The following GPR149 variants were observed in gnomAD, a reference collection of about 807,000 sequenced individuals.
GPR149 encodes probable G protein-coupled receptor 149.
Under a neutral mutation model 50.2 loss-of-function variants are expected in GPR149, and 50 were observed. That is an observed-to-expected ratio of 1.00 (90% CI 0.79 to 1.26). The LOEUF is 1.26. Ranked by LOEUF, GPR149 falls within the 50% of genes most tolerant of loss-of-function variation. The pLI is 0.00. For missense variants in GPR149, 983 were observed against 895.4 expected (o/e 1.10, Z -1.25); for synonymous variants, 405 against 358.2 (o/e 1.13, Z -1.48).
At chr3:154,351,814 T>A (rs1714088081) in intron 3 of GPR149, among the ~76,000 whole-genome samples, 1 of 152,140 alleles carries the variant, frequency 6.6e-6, no homozygotes, top group South Asian at 2.1e-4. Flanking sequence ...GTGGAAGGAA[T>A]AATAGAAACC....
chr3:154,345,602 A>C (rs1713907422), intron 3 of GPR149, among the ~76,000 whole-genome samples: 1 of 152,202 alleles, frequency 6.6e-6, no homozygotes, highest in African/African-American at 2.4e-5. Context: ...ACAGCATGCC[A>C]TGTAAACACA....
intron 3 of GPR149, among the ~76,000 whole-genome samples, chr3:154,344,119 C>T (rs1303424536): frequency 6.6e-6 from 1 of 152,172 alleles, no homozygotes; most frequent in Non-Finnish European, 1.5e-5. Context: ...ATTTATAGCA[C>T]TCTCAAAGAG....
intron 3 of GPR149, among the ~76,000 whole-genome samples, chr3:154,394,072 T>G (rs1352792767): frequency 6.6e-6 from 1 of 152,044 alleles, no homozygotes; most frequent in Non-Finnish European, 1.5e-5. Flanking sequence ...GTTCTAAGAT[T>G]CATATGGAAT....
intron 3 of GPR149, among the ~76,000 whole-genome samples, chr3:154,377,348 AATTATT>A (rs59932456): frequency 0.016 from 2,261 of 139,218 alleles, 65 homozygotes; most frequent in African/African-American, 0.054. Context: ...TCTGCTCTGT[AATTATT>A]ATTATTATTA....
chr3:154,348,392 G>T (rs948283835), intron 3 of GPR149, among the ~76,000 whole-genome samples: 1 of 152,022 alleles, frequency 6.6e-6, no homozygotes, highest in South Asian at 2.1e-4. Flanking sequence ...ATATAAGCAG[G>T]TCGAAAGTAA....
At chr3:154,384,018 C>G (rs558919220) in intron 3 of GPR149, among the ~76,000 whole-genome samples, 5 of 151,952 alleles carry the variant, frequency 3.3e-5, no homozygotes, top group African/African-American at 1.2e-4. Flanking sequence ...TTAAGCTATT[C>G]GGAGGAAATA....
chr3:154,423,317 G>A (rs558750883), intron 2 of GPR149, among the ~76,000 whole-genome samples: 52 of 151,938 alleles, frequency 3.4e-4, no homozygotes, highest in African/African-American at 1.1e-3. Context: ...GGTGACAGAC[G>A]AAAGCTACTG....
chr3:154,356,436 C>G (rs1158173970), intron 3 of GPR149, among the ~76,000 whole-genome samples: 2 of 152,150 alleles, frequency 1.3e-5, no homozygotes, highest in African/African-American at 4.8e-5. Flanking sequence ...AAATCCCCAT[C>G]GTCTCAGCCC....
intron 3 of GPR149, among the ~76,000 whole-genome samples, chr3:154,359,135 T>A (rs1007339965): frequency 2.0e-5 from 3 of 152,116 alleles, no homozygotes; most frequent in Admixed American, 2.0e-4. Context: ...TTGTGCAAAA[T>A]AAGGGACATT....
intron 3 of GPR149, among the ~76,000 whole-genome samples, chr3:154,358,160 G>A (rs1325206806): frequency 1.3e-5 from 2 of 151,976 alleles, no homozygotes; most frequent in African/African-American, 2.4e-5. Context: ...GGTGTGGGGA[G>A]GGATAGCATT....
In GPR149 at chr3:154,429,034, G is replaced by C; in HGVS notation, c.582C>G (p.Leu194=). Residue 194 remains leucine (L), a synonymous_variant, in exon 1 of 4, where the codon CTC becomes CTG. Transcript: ENST00000389740. ...CGAAGGCCAAAGCGTACACGATAGA[G>C]AGGAATAGTACGTAGGAGCTGGAGC... ...VDCSSSYVLF[L]SIVYALAFGL... The C allele has an allele frequency of 6.2e-7, 1 of 1,614,046 alleles. No homozygotes were observed. Among genetic ancestry groups the C allele is most frequent in the Non-Finnish European group, 8.5e-7 (1 of 1,180,032 alleles).
intron 3 of GPR149, among the ~76,000 whole-genome samples, chr3:154,360,413 T>G (rs1714351252): frequency 1.3e-5 from 2 of 152,204 alleles, no homozygotes; most frequent in South Asian, 4.1e-4. Flanking sequence ...ATCTAATCAC[T>G]GCACATATAG....
intron 2 of GPR149, 105 bp downstream of exon 2, chr3:154,427,411 C>G: frequency 1.2e-6 from 1 of 846,004 alleles, no homozygotes; most frequent in Admixed American, 2.5e-5. Flanking sequence ...TGACATTTAT[C>G]CTTGGACTCT....
rs183181594 is a variant in GPR149 at position 154,335,572 on chromosome 3, C to T, written c.*2127G>A. 77 of 152,250 alleles carry T rather than the reference C, an allele frequency of 5.1e-4. 1 individual carries two copies. Among genetic ancestry groups the T allele is most frequent in the Admixed American group, 4.5e-3 (69 of 15,296 alleles). 9.4% of individuals were successfully genotyped at this position (152,250 alleles called of 1,614,324 possible). ...AGAATTTTTATGTGCATCCATTATA[C>T]AGTTAATTCAACAACCAAGGGCAAT... On this transcript the variant is annotated 3_prime_UTR_variant, in exon 4 of 4. Transcript: ENST00000389740.
chr3:154,354,003 C>T (rs1714153329), intron 3 of GPR149: 1 of 463,320 alleles, frequency 2.2e-6, no homozygotes, highest in Non-Finnish European at 4.1e-6. Context: ...AAGGATGATA[C>T]TTGCTTTGAT....
chr3:154,353,324 T>C, intron 3 of GPR149: 1 of 1,440,492 alleles, frequency 6.9e-7, no homozygotes, highest in South Asian at 1.1e-5. Context: ...TGTATTTATT[T>C]GCAACTTTGT....
In GPR149 at chr3:154,429,958, C is replaced by T. The variant is rs1712438875; in HGVS notation, c.-343G>A. 6.6e-6 allele frequency among the ~76,000 whole-genome samples: 1 copy of T among 152,114 alleles called. No homozygotes were observed. On this transcript the variant is annotated 5_prime_UTR_variant, in exon 1 of 4. Coordinates refer to ENST00000389740, the MANE Select transcript of GPR149 (RefSeq NM_001038705.3). The stretch of plus-strand genomic sequence containing the variant: ...CAAAACTCTTCAGGTACATTAAAAA[C>T]CAATGATGTCTGGATCCTTTGGGGT...
intron 3 of GPR149, among the ~76,000 whole-genome samples, chr3:154,420,745 A>T (rs994231293): frequency 1.3e-5 from 2 of 151,942 alleles, no homozygotes; most frequent in African/African-American, 4.8e-5. Flanking sequence ...AGTTCTGCGA[A>T]TCTAATCTGA....
intron 3 of GPR149, chr3:154,352,389 A>G (rs1714101539): frequency 8.9e-7 from 1 of 1,128,754 alleles, no homozygotes; most frequent in Non-Finnish European, 1.3e-6. Context: ...CACTGAGAGT[A>G]TCCAGTTGGA....
Sources: gnomAD v4.1 joint callset for allele counts (sites outside exome capture counted in the v4.1 genomes callset) on GRCh38, gnomAD v4.1.1 for gene constraint, MANE v1.5 for transcripts, NCBI Gene and HGNC (gene_info 2026-07-23, HGNC 2026-07-21) for gene names.